The following SLC27A2 variants were observed in gnomAD, a reference collection of about 807,000 sequenced individuals.
SLC27A2 encodes the protein solute carrier family 27 member 2.
Under a neutral mutation model 60.0 loss-of-function variants are expected in SLC27A2, and 54 were observed. The ratio of observed to expected loss-of-function variants is 0.90; its 90% CI spans 0.72 to 1.13. The LOEUF is 1.13. SLC27A2 is among the 50% of genes most tolerant of loss of function. SLC27A2 has a pLI of 0.00. For missense variants in SLC27A2, 739 were observed against 777.6 expected, an observed-to-expected ratio of 0.95 and a Z score of 0.59; for synonymous variants, 297 against 297.6, an observed-to-expected ratio of 1.00 and a Z score of 0.02.
rs1278097634 is a variant in SLC27A2 at position 50,205,156 on chromosome 15, C to T, written c.848-83C>T. On this transcript the variant is annotated intron_variant, in intron 3 of 9. Transcript: ENST00000267842. ...ATATAATTTATTTTTAAATTTCTAC[C>T]GTTCAAAGTTGACAAATTAAACATA... 3.5e-5 allele frequency: 51 copies of T among 1,446,820 alleles called. No homozygotes were observed. In the South Asian group the frequency reaches 4.3e-4, roughly 12 times the overall value. 89.6% of individuals were successfully genotyped at this position (1,446,820 alleles called of 1,614,324 possible).
chr15:50,196,077 A>AATAT (rs58819609), intron 1 of SLC27A2, among the ~76,000 whole-genome samples: 5 of 15,422 alleles, frequency 3.2e-4, no homozygotes, highest in Admixed American at 1.2e-3. Context: ...AAAAAAAAAA[A>AATAT]ATATATATAT....
Position 50,205,225 on chromosome 15 carries a change from T to C in SLC27A2, c.848-14T>C. 12 of 1,594,106 alleles carry C rather than the reference T, an allele frequency of 7.5e-6. No individual in the cohort carries two copies. The highest frequency in any genetic ancestry group is 1.0e-5 in the Non-Finnish European group (12 of 1,166,804). On this transcript the variant is annotated splice_polypyrimidine_tract_variant and intron_variant, in intron 3 of 9. Transcript: ENST00000267842. ...ACCATTTCTTTCTTGACACTTTCTG[T>C]GCTTTCTCTGTAGGTGCTACTCTTG... is the stretch of plus-strand genomic sequence containing the variant.
intron 4 of SLC27A2, among the ~76,000 whole-genome samples, chr15:50,210,443 C>A (rs1446488251): frequency 6.6e-6 from 1 of 152,284 alleles, no homozygotes; most frequent in East Asian, 1.9e-4. Context: ...AGAGCCAAAC[C>A]GAGCAAAATA....
At chr15:50,204,921 A>T (rs1276008733) in intron 3 of SLC27A2, among the ~76,000 whole-genome samples, 2 of 147,634 alleles carry the variant, frequency 1.4e-5, no homozygotes, top group Non-Finnish European at 3.0e-5. Flanking sequence ...TATATATAAT[A>T]TAATATATAT....
At chr15:50,185,621 C>CT (rs531026687) in intron 1 of SLC27A2, among the ~76,000 whole-genome samples, 3,864 of 95,660 alleles carry the variant, frequency 0.04, 664 homozygotes, top group African/African-American at 0.084. Context: ...AGGAAGCTTA[C>CT]TTTTTTTTTT....
intron 4 of SLC27A2, among the ~76,000 whole-genome samples, chr15:50,209,202 C>T (rs1008739122): frequency 2.0e-5 from 3 of 152,162 alleles, no homozygotes; most frequent in African/African-American, 2.4e-5. Flanking sequence ...GTGTTGACTG[C>T]GTCCCCCCAG....
At chr15:50,199,226 T>G (rs1019942896) in intron 2 of SLC27A2, among the ~76,000 whole-genome samples, 1 of 151,980 alleles carries the variant, frequency 6.6e-6, no homozygotes, top group Non-Finnish European at 1.5e-5. Flanking sequence ...AGAAAACCCC[T>G]TTTATTGGGA....
chr15:50,231,141 CTTTT>C (rs34060039), intron 8 of SLC27A2, among the ~76,000 whole-genome samples: 17 of 128,596 alleles, frequency 1.3e-4, no homozygotes, highest in African/African-American at 3.2e-4. Flanking sequence ...GAATTGTACA[CTTTT>C]TTTTTTTTTT....
intron 8 of SLC27A2, among the ~76,000 whole-genome samples, chr15:50,233,015 T>C (rs761483713): frequency 3.3e-5 from 5 of 152,182 alleles, no homozygotes; most frequent in Middle Eastern, 3.4e-3. Context: ...AGAAGATACA[T>C]TAATACCTAA....
At chr15:50,233,461 C>T (rs1247847195) in intron 8 of SLC27A2, among the ~76,000 whole-genome samples, 2 of 152,198 alleles carry the variant, frequency 1.3e-5, no homozygotes. Flanking sequence ...TGGTTATAAG[C>T]ACAGGATCTG....
chr15:50,231,663 C>A (rs1567439149), intron 8 of SLC27A2, among the ~76,000 whole-genome samples: 1 of 151,912 alleles, frequency 6.6e-6, no homozygotes, highest in Non-Finnish European at 1.5e-5. Context: ...ATCTGCATGT[C>A]TTTTTTTTAA....
intron 4 of SLC27A2, among the ~76,000 whole-genome samples, chr15:50,207,403 C>T (rs1012001316): frequency 2.0e-5 from 3 of 152,038 alleles, no homozygotes; most frequent in African/African-American, 7.3e-5. Flanking sequence ...GCTTCCCCAC[C>T]CCTGAGTTCT....
At chr15:50,232,345 A>G (rs935449184) in intron 8 of SLC27A2, among the ~76,000 whole-genome samples, 62 of 152,220 alleles carry the variant, frequency 4.1e-4, no homozygotes, top group African/African-American at 9.4e-4. Context: ...AATAGCCACC[A>G]TGTCACTATG....
At chr15:50,196,697 A>G (rs2045026346) in intron 1 of SLC27A2, among the ~76,000 whole-genome samples, 1 of 152,220 alleles carries the variant, frequency 6.6e-6, no homozygotes, top group Non-Finnish European at 1.5e-5. Flanking sequence ...TTAACAATCC[A>G]CTACTGTAAT....
intron 4 of SLC27A2, among the ~76,000 whole-genome samples, chr15:50,215,176 CCAAG>C (rs1299637197): frequency 1.3e-5 from 2 of 152,004 alleles, no homozygotes; most frequent in African/African-American, 4.8e-5. Flanking sequence ...CCAACAGCGA[CCAAG>C]CAAAGACTCA....
intron 9 of SLC27A2, 139 bp downstream of exon 9, chr15:50,234,137 T>A: frequency 1.2e-6 from 1 of 847,668 alleles, no homozygotes; most frequent in Non-Finnish European, 1.8e-6. Flanking sequence ...AAAAGTGTCA[T>A]AGACCAATAA....
chr15:50,185,392 C>A (rs999248251), intron 1 of SLC27A2, among the ~76,000 whole-genome samples: 1 of 152,068 alleles, frequency 6.6e-6, no homozygotes, highest in Non-Finnish European at 1.5e-5. Flanking sequence ...ACTGAGATAC[C>A]TTTGCACATG....
In SLC27A2 at chr15:50,196,078, ATATATAT is replaced by A. The variant is rs1159278020; in HGVS notation, c.479-1421_479-1415del. Among the ~76,000 whole-genome samples the A allele has an allele frequency of 1.2e-3, 9 of 7,796 alleles. 1 individual carries two copies. Among genetic ancestry groups the A allele is most frequent in the South Asian group, 0.012 (1 of 84 alleles). 5.1% of individuals were successfully genotyped at this position (7,796 alleles called of 152,430 possible). A position where few individuals can be genotyped will look rare whatever the true frequency, so the allele number is the denominator to read the frequency against. On this transcript the variant is annotated intron_variant, in intron 1 of 9. Transcript: ENST00000267842. ...CAAAAAAAAAAAAAAAAAAAAAAAAATATATATATATATATATATATATATATATATA... is the reference window on the plus strand; with the variant it reads ...CAAAAAAAAAAAAAAAAAAAAAAAAAATATATATATATATATATATATATA...
At chr15:50,214,295 A>C (rs1489136642) in intron 4 of SLC27A2, among the ~76,000 whole-genome samples, 1 of 152,162 alleles carries the variant, frequency 6.6e-6, no homozygotes, top group East Asian at 1.9e-4. Flanking sequence ...GGAACAGACC[A>C]ATAACAAGCA....
Sources: gnomAD v4.1 joint callset for allele counts (sites outside exome capture counted in the v4.1 genomes callset) on GRCh38, gnomAD v4.1.1 for gene constraint, MANE v1.5 for transcripts, NCBI Gene and HGNC (gene_info 2026-07-23, HGNC 2026-07-21) for gene names.